PLCB4: variants seen among roughly 807,000 people sequenced by gnomAD.
PLCB4 encodes phospholipase C beta 4.
PLCB4 carries 77 observed loss-of-function variants against 178.8 expected under a neutral mutation model. That is an observed-to-expected ratio of 0.43 (90% CI 0.36 to 0.52). The LOEUF (loss-of-function observed/expected upper bound fraction) is 0.52, where lower values mean the gene tolerates loss of function less well. Ranked by LOEUF, PLCB4 falls within the 20% of genes least tolerant of loss-of-function variation. PLCB4 has a pLI of 0.00. For missense variants in PLCB4, 1,024 were observed against 1,453.4 expected, an observed-to-expected ratio of 0.70 and a Z score of 4.80; for synonymous variants, 496 against 490.8, an observed-to-expected ratio of 1.01 and a Z score of -0.14.
chr20:9,113,033 T>A (rs57420325), intron 2 of PLCB4, among the ~76,000 whole-genome samples: 3,343 of 152,202 alleles, frequency 0.022, 110 homozygotes, highest in African/African-American at 0.074. Context: ...AGTTTTGAAA[T>A]GCAGCAGTCT....
intron 3 of PLCB4, among the ~76,000 whole-genome samples, chr20:9,301,021 G>A (rs761037813): frequency 5.9e-5 from 9 of 151,722 alleles, no homozygotes; most frequent in Non-Finnish European, 1.3e-4. Context: ...TCTGGTGGCT[G>A]CCAACTCTTC....
At chr20:9,238,968 C>CGAT (rs1228740869) in intron 3 of PLCB4, among the ~76,000 whole-genome samples, 2 of 152,116 alleles carry the variant, frequency 1.3e-5, no homozygotes, top group Non-Finnish European at 2.9e-5. Flanking sequence ...TTGCTGTAAT[C>CGAT]TAAGTTAAAT....
chr20:9,076,336 A>C (rs1345605811), intron 1 of PLCB4, among the ~76,000 whole-genome samples: 1 of 152,054 alleles, frequency 6.6e-6, no homozygotes, highest in Non-Finnish European at 1.5e-5. Flanking sequence ...GTGTGGTGGC[A>C]GGCGCCTGTA....
rs558599545 is a variant in PLCB4 at position 9,259,546 on chromosome 20, A to G, written c.-16+42094A>G. 5.3e-5 allele frequency among the ~76,000 whole-genome samples: 8 copies of G among 152,300 alleles called. No individual in the cohort carries two copies. In the East Asian group the frequency reaches 1.5e-3, roughly 29 times the overall value. ...AAGAGAGGTTTAAATACAAGGCTGT[A>G]AAAGTCAATTAAAAAACGAAATATT... On this transcript the variant is annotated intron_variant, in intron 3 of 39. Coordinates refer to ENST00000378473, the MANE Select transcript of PLCB4 (RefSeq NM_001377142.1).
At chr20:9,114,605 A>G (rs1257386590) in intron 2 of PLCB4, among the ~76,000 whole-genome samples, 1 of 152,116 alleles carries the variant, frequency 6.6e-6, no homozygotes, top group African/African-American at 2.4e-5. Context: ...GTAATGAGTG[A>G]TGGCTCAAAT....
chr20:9,409,944 G>T (rs148606377), intron 24 of PLCB4, among the ~76,000 whole-genome samples: 16 of 152,230 alleles, frequency 1.1e-4, no homozygotes, highest in African/African-American at 3.6e-4. Context: ...CTACAGCATG[G>T]TTCTTACAAC....
intron 28 of PLCB4, among the ~76,000 whole-genome samples, chr20:9,429,940 A>G (rs1488939280): frequency 2.0e-5 from 3 of 152,174 alleles, no homozygotes; most frequent in Admixed American, 6.5e-5. Flanking sequence ...ACATGACCCA[A>G]TTAGACATCC....
At chr20:9,374,231 C>A (rs542178035) in intron 12 of PLCB4, among the ~76,000 whole-genome samples, 15 of 152,278 alleles carry the variant, frequency 9.9e-5, no homozygotes, top group African/African-American at 3.4e-4. Flanking sequence ...CCCCACATAT[C>A]AGACAGATGC....
intron 2 of PLCB4, among the ~76,000 whole-genome samples, chr20:9,178,980 C>T (rs1247829035): frequency 6.6e-6 from 1 of 151,984 alleles, no homozygotes; most frequent in Admixed American, 6.6e-5. Context: ...AAATTGTCAA[C>T]ATTTAGAACA....
chr20:9,212,334 C>G (rs2093681962), intron 2 of PLCB4, among the ~76,000 whole-genome samples: 1 of 152,184 alleles, frequency 6.6e-6, no homozygotes, highest in African/African-American at 2.4e-5. Context: ...GTAAAATGAT[C>G]TGTTTTTGTT....
intron 1 of PLCB4, among the ~76,000 whole-genome samples, chr20:9,075,962 G>A (rs1037499862): frequency 3.3e-5 from 5 of 152,178 alleles, no homozygotes; most frequent in African/African-American, 1.2e-4. Context: ...CATGTCAATA[G>A]TTTTTGTTTT....
intron 2 of PLCB4, among the ~76,000 whole-genome samples, chr20:9,124,187 A>T (rs1326724190): frequency 6.6e-6 from 1 of 152,172 alleles, no homozygotes; most frequent in African/African-American, 2.4e-5. Context: ...TCTGGTCTAG[A>T]ATATTAAAAT....
At chr20:9,222,036 GTTTTATTTTATTTTATTTTA>G (rs869180528) in intron 3 of PLCB4, among the ~76,000 whole-genome samples, 6,041 of 97,284 alleles carry the variant, frequency 0.062, 201 homozygotes, top group Non-Finnish European at 0.08. Context: ...ATTTTATTTT[GTTTTATTTTATTTTATTTTA>G]TTTTATTTTA....
chr20:9,325,595 C>T (rs6056544), intron 4 of PLCB4, among the ~76,000 whole-genome samples: 2,532 of 152,198 alleles, frequency 0.017, 70 homozygotes, highest in African/African-American at 0.058. Context: ...TAGACAGATC[C>T]GGAGTGTTCA....
At chr20:9,075,134 AG>A (rs1462577439) in intron 1 of PLCB4, among the ~76,000 whole-genome samples, 1 of 152,124 alleles carries the variant, frequency 6.6e-6, no homozygotes, top group Non-Finnish European at 1.5e-5. Flanking sequence ...TGAGGTTAGG[AG>A]ATGTTAAATT....
At chr20:9,290,595 A>G (rs1252190170) in intron 3 of PLCB4, among the ~76,000 whole-genome samples, 1 of 152,176 alleles carries the variant, frequency 6.6e-6, no homozygotes, top group Non-Finnish European at 1.5e-5. Context: ...GAATTGGACA[A>G]GGATTTGGCA....
At chr20:9,172,194 A>G (rs553118460) in intron 2 of PLCB4, among the ~76,000 whole-genome samples, 27 of 152,308 alleles carry the variant, frequency 1.8e-4, no homozygotes, top group South Asian at 8.3e-4. Context: ...GACCCCATCC[A>G]TGATCTAGAA....
intron 28 of PLCB4, among the ~76,000 whole-genome samples, chr20:9,430,942 T>C (rs1198228163): frequency 6.6e-6 from 1 of 152,196 alleles, no homozygotes; most frequent in Admixed American, 6.5e-5. Flanking sequence ...AGAATTTAAG[T>C]AGTGAATTTT....
intron 2 of PLCB4, among the ~76,000 whole-genome samples, chr20:9,162,062 G>A (rs1463170998): frequency 6.6e-6 from 1 of 151,740 alleles, no homozygotes; most frequent in Non-Finnish European, 1.5e-5. Context: ...AGCATGTTCT[G>A]TTTTTTTTGT....
Sources: allele counts gnomAD v4.1 joint callset (sites outside exome capture counted in the v4.1 genomes callset), GRCh38; gene constraint gnomAD v4.1.1; transcripts MANE v1.5; gene names NCBI Gene and HGNC (gene_info 2026-07-23, HGNC 2026-07-21).